Variants in CHPF2 observed in about 807,000 individuals in gnomAD.
The protein encoded by CHPF2 is chondroitin polymerizing factor 2, non-catalytic subunit.
CHPF2 carries 58 observed loss-of-function variants against 63.0 expected under a neutral mutation model. That is an observed-to-expected ratio of 0.92 (90% CI 0.75 to 1.15). The LOEUF (loss-of-function observed/expected upper bound fraction) is 1.15, where lower values mean the gene tolerates loss of function less well. Ranked by LOEUF, CHPF2 falls within the 50% of genes most tolerant of loss-of-function variation. The pLI is 0.00. For missense variants in CHPF2, 1,045 were observed against 1,035.4 expected, an observed-to-expected ratio of 1.01 and a Z score of -0.13; for synonymous variants, 442 against 438.0, an observed-to-expected ratio of 1.01 and a Z score of -0.11.
chr7:151,237,435 T>A lies in CHPF2; in HGVS notation c.1073T>A (p.Val358Asp), dbSNP rs1428681076. The A allele has an allele frequency of 6.2e-7, 1 of 1,612,768 alleles. No homozygotes were observed. Among genetic ancestry groups the A allele is most frequent in the South Asian group, 1.1e-5 (1 of 91,074 alleles). Residue 358 changes from valine to aspartate, a missense_variant, in exon 4 of 4, where the codon GTT becomes GAT. Coordinates refer to ENST00000035307, the MANE Select transcript of CHPF2 (RefSeq NM_019015.3). ...PEGEAGLSWP[V>D]GLPAPFTPHS... ...GGGGAGGCAGGGCTGAGCTGGCCCG[T>A]TGGGCTCCCTGCTCCTTTCACACCA...
chr7:151,238,706 TA>T lies in CHPF2; in HGVS notation c.*26del. 1 of 1,604,858 alleles carries T rather than the reference TA, an allele frequency of 6.2e-7. No individual in the cohort carries two copies. Among genetic ancestry groups the T allele is most frequent in the Non-Finnish European group, 8.5e-7 (1 of 1,176,390 alleles). On this transcript the variant is annotated 3_prime_UTR_variant, in exon 4 of 4. Coordinates refer to ENST00000035307, the MANE Select transcript of CHPF2 (RefSeq NM_019015.3). The stretch of plus-strand genomic sequence containing the variant: ...GCCCGCCTGGGGGCCCTAACCTCAT[TA>T]CCTTTCCTTTGTCTGCCTCAGCCCC...
chr7:151,233,080 G>A lies in CHPF2; in HGVS notation c.-932G>A. On this transcript the variant is annotated 5_prime_UTR_variant, in exon 1 of 4. Transcript: ENST00000035307. ...TTCTGTTTGCGTTCCCAGGACCCTG[G>A]CATTGTCTCTAGTTGCTGCTTGTGC... 1 of 1,234,082 alleles carries A rather than the reference G, an allele frequency of 8.1e-7. No individual in the cohort carries two copies. Among genetic ancestry groups the A allele is most frequent in the African/African-American group, 1.6e-5 (1 of 64,174 alleles). 76.4% of individuals were successfully genotyped at this position (1,234,082 alleles called of 1,614,324 possible).
chr7:151,237,811 C>T lies in CHPF2; in HGVS notation c.1449C>T (p.Val483=), dbSNP rs1237084021. ...SRVEILPMPY[V]TEATRVQLVL... The stretch of plus-strand genomic sequence containing the variant: ...TGGAAATCCTACCTATGCCCTATGT[C>T]ACTGAGGCCACCCGAGTGCAGCTGG... The change falls in exon 4 of 4, where the codon GTC becomes GTT. Residue 483 remains valine, a synonymous_variant. Coordinates refer to ENST00000035307, the MANE Select transcript of CHPF2 (RefSeq NM_019015.3). 6.2e-7 allele frequency: 1 copy of T among 1,612,710 alleles called. No homozygotes were observed. The highest frequency in any genetic ancestry group is 8.5e-7 in the Non-Finnish European group (1 of 1,180,018).
chr7:151,238,431 T>A lies in CHPF2; in HGVS notation c.2069T>A (p.Leu690Gln). Residue 690 changes from leucine (L) to glutamine (Q), a missense_variant, in exon 4 of 4, where the codon CTG becomes CAG. Coordinates refer to ENST00000035307, the MANE Select transcript of CHPF2 (RefSeq NM_019015.3). ...LAARARLAGE[L>Q]AGQEEEEALE... Reference sequence around the variant, plus strand: ...GCCCGAGCCCGGCTGGCAGGTGAACTGGCAGGCCAGGAAGAGGAGGAAGCC... The same window carrying A: ...GCCCGAGCCCGGCTGGCAGGTGAACAGGCAGGCCAGGAAGAGGAGGAAGCC... The A allele has an allele frequency of 6.3e-7, 1 of 1,592,024 alleles. No individual in the cohort carries two copies. Among genetic ancestry groups the A allele is most frequent in the Non-Finnish European group, 8.6e-7 (1 of 1,167,482 alleles).
rs147545045 is a variant in CHPF2, at chr7:151,235,815, G to A, written c.828+203G>A. Among the ~76,000 whole-genome samples the A allele has an allele frequency of 7.2e-3, 1,093 of 152,318 alleles. 11 individuals are homozygous for A. The highest frequency in any genetic ancestry group is 0.025 in the African/African-American group (1,029 of 41,554). On this transcript the variant is annotated intron_variant, in intron 2 of 3. Coordinates refer to ENST00000035307, the MANE Select transcript of CHPF2 (RefSeq NM_019015.3). ...TATCTTGTTAGGAACCCCTAAGCAA[G>A]ACCAAAGGGTGCTCCTACTCAGCAG...
Position 151,232,940 on chromosome 7 carries a change from C to A in CHPF2, c.-1072C>A, listed in dbSNP as rs1293530529. ...CAGTTTATTTCTGTTTTGAGACGAA[C>A]GGCGAAGACTCGCGTCGGGTCTTCG... On this transcript the variant is annotated 5_prime_UTR_variant, in exon 1 of 4. Coordinates refer to ENST00000035307, the MANE Select transcript of CHPF2 (RefSeq NM_019015.3). 1 of 1,337,954 alleles carries A rather than the reference C, an allele frequency of 7.5e-7. No homozygotes were observed. Among genetic ancestry groups the A allele is most frequent in the Non-Finnish European group, 9.6e-7 (1 of 1,046,010 alleles). The allele number at this position is 1,337,954 out of a possible 1,614,324, so 82.9% of individuals were successfully genotyped here. A position where few individuals can be genotyped will look rare whatever the true frequency, so the allele number is the denominator to read the frequency against.
Position 151,234,155 on chromosome 7 carries a change from GC to G in CHPF2, c.145del (p.Arg49GlufsTer13). 1 of 1,613,700 alleles carries G rather than the reference GC, an allele frequency of 6.2e-7. No individual in the cohort carries two copies. Among genetic ancestry groups the G allele is most frequent in the Non-Finnish European group, 8.5e-7 (1 of 1,179,812 alleles). ...EDPCVEAVGE[R>X]GGPQNPDSRA... Reference sequence around the variant, plus strand: ...ATCCCTGTGTCGAGGCTGTAGGGGAGCGAGGAGGGCCACAGAATCCAGATTC... The same window carrying G: ...ATCCCTGTGTCGAGGCTGTAGGGGAGGAGGAGGGCCACAGAATCCAGATTC... On this transcript the variant is annotated frameshift_variant, in exon 1 of 4. Coordinates refer to ENST00000035307, the MANE Select transcript of CHPF2 (RefSeq NM_019015.3). LOFTEE classifies it high-confidence loss of function.
rs201842077 is a variant in CHPF2, at chr7:151,238,184, C to T, written c.1822C>T (p.Arg608Cys). 2.2e-5 allele frequency: 36 copies of T among 1,612,986 alleles called. No homozygotes were observed. Among genetic ancestry groups the T allele is most frequent in the East Asian group, 1.1e-4 (5 of 44,884 alleles). ...TGGGCCCGAAGTCCTCAACCGCTGT[C>T]GCATGAATGCCATCTCTGGCTGGCA... is the stretch of plus-strand genomic sequence containing the variant. ...RPGPEVLNRC[R>C]MNAISGWQAF... The change falls in exon 4 of 4, where the codon CGC becomes TGC. Residue 608 changes from arginine (R) to cysteine (C), a missense_variant. Physicochemically the swap from Arg to Cys is radical, Grantham distance 180. Coordinates refer to ENST00000035307, the MANE Select transcript of CHPF2 (RefSeq NM_019015.3).
At position 151,233,632 on chromosome 7, in the gene CHPF2, A is replaced by C; in HGVS notation, c.-380A>C. ...ATCACTTGCTGTCATCTGTTGACTT[A>C]GGCCCAGTCTGCAGATGTGTGTAGT... On this transcript the variant is annotated 5_prime_UTR_variant, in exon 1 of 4. An upstream open reading frame in the 5' UTR loses its in-frame stop. Coordinates refer to ENST00000035307, the MANE Select transcript of CHPF2 (RefSeq NM_019015.3). The C allele has an allele frequency of 1.0e-6, 1 of 1,003,560 alleles. No homozygotes were observed. Among genetic ancestry groups the C allele is most frequent in the Non-Finnish European group, 1.2e-6 (1 of 842,430 alleles). 62.2% of individuals were successfully genotyped at this position (1,003,560 alleles called of 1,614,324 possible).
chr7:151,238,527 C>T lies in CHPF2; in HGVS notation c.2165C>T (p.Pro722Leu). The T allele has an allele frequency of 6.2e-7, 1 of 1,609,172 alleles. No individual in the cohort carries two copies. Residue 722 changes from proline to leucine, a missense_variant, in exon 4 of 4, where the codon CCA becomes CTA. By Grantham distance (98) the Pro-to-Leu change is moderately conservative (BLOSUM62 -3). Transcript: ENST00000035307. ...CTCCACCTCTTTCGGGCCGTAGAGC[C>T]AGGGCTGGTGCAGAAGTTCTCCCTG... is the stretch of plus-strand genomic sequence containing the variant. ...SGLHLFRAVEPGLVQKFSLRD... is the reference protein window; with the variant it reads ...SGLHLFRAVELGLVQKFSLRD...
rs1476131790 is a variant in CHPF2 at position 151,237,618 on chromosome 7, A to G, written c.1256A>G (p.Gln419Arg). 19 of 1,612,878 alleles carry G rather than the reference A, an allele frequency of 1.2e-5. No homozygotes were observed. Among genetic ancestry groups the G allele is most frequent in the Non-Finnish European group, 1.6e-5 (19 of 1,179,908 alleles). ...TALEQLNRRY[Q>R]PRLRFQKQRL... ...CTGGAGCAGCTCAATCGGCGCTATC[A>G]GCCCCGCCTGCGCTTCCAGAAGCAG... Residue 419 changes from glutamine (Q) to arginine (R), a missense_variant, in exon 4 of 4, where the codon CAG (glutamine) becomes CGG (arginine). Coordinates refer to ENST00000035307, the MANE Select transcript of CHPF2 (RefSeq NM_019015.3).
chr7:151,233,401 C>T lies in CHPF2; in HGVS notation c.-611C>T. On this transcript the variant is annotated 5_prime_UTR_variant, in exon 1 of 4. Coordinates refer to ENST00000035307, the MANE Select transcript of CHPF2 (RefSeq NM_019015.3). ...CCTGTAGCCGTTGCGTCTTCTCAAA[C>T]ACGGGGAGCAGAGTAGAAAGAGGCT... 3.0e-6 allele frequency: 3 copies of T among 985,722 alleles called. No individual in the cohort carries two copies. The highest frequency in any genetic ancestry group is 3.6e-6 in the Non-Finnish European group (3 of 830,128). The allele number at this position is 985,722 out of a possible 1,614,324, so 61.1% of individuals were successfully genotyped here.
At position 151,238,071 on chromosome 7, in the gene CHPF2, C is replaced by T. The variant is rs77471815; in HGVS notation, c.1709C>T (p.Ala570Val). ...RLAWLAVRAE[A>V]PSQVRLMDVV... ...GCCTGGCTCGCTGTGCGAGCAGAGG[C>T]CCCTTCCCAGGTGCGACTCATGGAC... The change falls in exon 4 of 4, where the codon GCC becomes GTC. Residue 570 changes from alanine (A) to valine (V), a missense_variant. Ala to Val is a moderately conservative substitution (Grantham distance 64). Transcript: ENST00000035307. 990 of 1,612,320 alleles carry T rather than the reference C, an allele frequency of 6.1e-4. 15 individuals are homozygous for T. In the East Asian group the frequency reaches 0.02, roughly 32 times the overall value.
intron 2 of CHPF2, 58 bp downstream of exon 2, chr7:151,235,670 T>A: frequency 6.8e-7 from 1 of 1,470,432 alleles, no homozygotes; most frequent in Non-Finnish European, 9.3e-7. Context: ...GATGAGTGAT[T>A]GGCCTTCCTC....
rs774127965 is a variant in CHPF2 at position 151,237,873 on chromosome 7, C to T, written c.1511C>T (p.Pro504Leu). 3.5e-5 allele frequency: 57 copies of T among 1,612,564 alleles called. No individual in the cohort carries two copies. The highest frequency in any genetic ancestry group is 3.3e-4 in the Middle Eastern group (2 of 6,084). ...PLLVAEAAAA[P>L]AFLEAFAANV... ...CTGGTGGCTGAAGCTGCTGCAGCCC[C>T]GGCTTTCCTCGAGGCCTTTGCAGCC... Residue 504 changes from proline (P) to leucine (L), a missense_variant, in exon 4 of 4, where the codon CCG (proline) becomes CTG (leucine). By Grantham distance (98) the Pro-to-Leu change is moderately conservative (BLOSUM62 -3). Coordinates refer to ENST00000035307, the MANE Select transcript of CHPF2 (RefSeq NM_019015.3).
At position 151,238,702 on chromosome 7, in the gene CHPF2, T is replaced by C; in HGVS notation, c.*21T>C. ...CTTAGCCCGCCTGGGGGCCCTAACCTCATTACCTTTCCTTTGTCTGCCTCA... is the reference window on the plus strand; with the variant it reads ...CTTAGCCCGCCTGGGGGCCCTAACCCCATTACCTTTCCTTTGTCTGCCTCA... On this transcript the variant is annotated 3_prime_UTR_variant, in exon 4 of 4. Transcript: ENST00000035307. 1.2e-6 allele frequency: 2 copies of C among 1,604,906 alleles called. No homozygotes were observed. Among genetic ancestry groups the C allele is most frequent in the Non-Finnish European group, 1.7e-6 (2 of 1,176,368 alleles).
Position 151,234,022 on chromosome 7 carries a change from G to A in CHPF2, c.11G>A (p.Ser4Asn). MRLSSLLALLRPAL... is the reference protein window; with the variant it reads MRLNSLLALLRPAL... ...GCAGGGCCTACCACCATGCGACTGA[G>A]CTCCCTGTTGGCTCTGCTGCGGCCA... The change falls in exon 1 of 4, where the codon AGC (serine) becomes AAC (asparagine). Residue 4 changes from serine (S) to asparagine (N), a missense_variant. Ser to Asn is a conservative substitution (Grantham distance 46). Transcript: ENST00000035307. 1 of 1,525,022 alleles carries A rather than the reference G, an allele frequency of 6.6e-7. No individual in the cohort carries two copies. The highest frequency in any genetic ancestry group is 8.8e-7 in the Non-Finnish European group (1 of 1,137,110). 94.5% of individuals were successfully genotyped at this position (1,525,022 alleles called of 1,614,324 possible).
chr7:151,238,570 G>C lies in CHPF2; in HGVS notation c.2208G>C (p.Arg736=). 1 of 1,613,054 alleles carries C rather than the reference G, an allele frequency of 6.2e-7. No individual in the cohort carries two copies. Among genetic ancestry groups the C allele is most frequent in the East Asian group, 2.2e-5 (1 of 44,842 alleles). The change falls in exon 4 of 4, where the codon CGG becomes CGC. Residue 736 remains arginine (R), a synonymous_variant. Transcript: ENST00000035307. ...QKFSLRDCSP[R]LSEELYHRCR... ...TCTCCCTGCGAGACTGCAGCCCACG[G>C]CTCAGTGAAGAACTCTACCACCGCT...
chr7:151,238,751 T>C lies in CHPF2; in HGVS notation c.*70T>C, dbSNP rs773950291. The C allele has an allele frequency of 6.3e-7, 1 of 1,597,052 alleles. No homozygotes were observed. The highest frequency in any genetic ancestry group is 8.5e-7 in the Non-Finnish European group (1 of 1,173,944). ...CAGCCCCAGGAAGGGCAAGGCAAGA[T>C]GGTGGACAGATAGAGAATTGTTGCT... On this transcript the variant is annotated 3_prime_UTR_variant, in exon 4 of 4. Transcript: ENST00000035307.
Sources: allele counts gnomAD v4.1 joint callset (sites outside exome capture counted in the v4.1 genomes callset), GRCh38; gene constraint gnomAD v4.1.1; transcripts MANE v1.5; gene names NCBI Gene and HGNC (gene_info 2026-07-23, HGNC 2026-07-21).